Variants in TSPAN1 observed in about 807,000 individuals in gnomAD.
TSPAN1 encodes the protein tetraspanin 1, also known as tetraspanin-1.
TSPAN1 carries 23 observed loss-of-function variants against 26.9 expected under a neutral mutation model. The observed-to-expected ratio is 0.85, with a 90% CI of 0.62 to 1.21. TSPAN1 has a LOEUF of 1.21. TSPAN1 is among the 50% of genes most tolerant of loss of function. TSPAN1 has a pLI of 0.00. For synonymous variants in TSPAN1, 115 were observed against 114.8 expected, an observed-to-expected ratio of 1.00 and a Z score of -0.01; for missense variants, 283 against 298.4, an observed-to-expected ratio of 0.95 and a Z score of 0.38.
the TSPAN1 span, chr1:46,194,291 C>A: frequency 6.2e-7 from 1 of 1,614,194 alleles, no homozygotes; most frequent in Non-Finnish European, 8.5e-7. Flanking sequence ...GGGCTGAACT[C>A]GATGGGTGTG....
downstream of TSPAN1, among the ~76,000 whole-genome samples, chr1:46,187,793 C>T (rs548430392): frequency 4.6e-5 from 7 of 152,308 alleles, no homozygotes; most frequent in Admixed American, 6.5e-5. Flanking sequence ...ACACTGAAGG[C>T]GTCAGGGTGG....
chr1:46,185,376 C>A (rs1487332652), intron 8 of TSPAN1, 68 bp downstream of exon 8: 1 of 1,608,144 alleles, frequency 6.2e-7, no homozygotes, highest in African/African-American at 1.3e-5. Flanking sequence ...CCATCTGAGG[C>A]CTCTCTGGAG....
At chr1:46,192,269 T>C in the TSPAN1 span, 5 of 1,614,034 alleles carry the variant, frequency 3.1e-6, no homozygotes, top group Non-Finnish European at 4.2e-6. Context: ...TTCGAGTTGG[T>C]AGGGGACTCC....
At chr1:46,178,491 T>A (rs1657238360) in intron 1 of TSPAN1, among the ~76,000 whole-genome samples, 1 of 151,534 alleles carries the variant, frequency 6.6e-6, no homozygotes, top group South Asian at 2.1e-4. Context: ...TGTGGCACCC[T>A]TAGTACCACC....
intron 4 of TSPAN1, 38 bp from the exon 5 acceptor site, chr1:46,184,556 G>C (rs772522578): frequency 3.7e-6 from 6 of 1,610,128 alleles, no homozygotes; most frequent in Non-Finnish European, 3.4e-6. Context: ...ATGAGGGACT[G>C]TCTCTCCCTA....
At chr1:46,192,434 C>G in the TSPAN1 span, 13 of 1,614,144 alleles carry the variant, frequency 8.1e-6, no homozygotes, top group Non-Finnish European at 1.1e-5. Context: ...TGTGTTCATA[C>G]CCCTGGGGAC....
intron 1 of TSPAN1, chr1:46,176,248 A>C (rs1466681216): frequency 3.9e-5 from 60 of 1,535,614 alleles, no homozygotes; most frequent in Non-Finnish European, 2.4e-5. Flanking sequence ...GAAGATCCAC[A>C]CTATGGTGGT....
At chr1:46,194,603 C>T in the TSPAN1 span, 1 of 1,614,090 alleles carries the variant, frequency 6.2e-7, no homozygotes, top group Non-Finnish European at 8.5e-7. Flanking sequence ...TGGGTCCCCC[C>T]AGGAAGAGAG....
chr1:46,193,335 G>A, the TSPAN1 span: 1 of 1,613,682 alleles, frequency 6.2e-7, no homozygotes, highest in Non-Finnish European at 8.5e-7. Flanking sequence ...TGATGCTGAT[G>A]GGAGTATGCT....
chr1:46,178,099 G>A (rs1285751941), intron 1 of TSPAN1, among the ~76,000 whole-genome samples: 1 of 152,186 alleles, frequency 6.6e-6, no homozygotes, highest in Non-Finnish European at 1.5e-5. Context: ...GCTCACGCCT[G>A]TAATCCCAGC....
chr1:46,184,927 A>G (rs1410598093), intron 6 of TSPAN1, 33 bp from the exon 7 acceptor site: 1 of 1,614,078 alleles, frequency 6.2e-7, no homozygotes, highest in East Asian at 2.2e-5. Context: ...AGAAAGAAGC[A>G]AGGCCCCACC....
the TSPAN1 span, chr1:46,194,489 CAG>C: frequency 5.0e-6 from 8 of 1,614,022 alleles, no homozygotes; most frequent in Middle Eastern, 1.6e-4. Context: ...TAAAGCTCCA[CAG>C]AGAGATCTAA....
the TSPAN1 span, chr1:46,194,961 C>T: frequency 1.2e-6 from 2 of 1,614,050 alleles, no homozygotes; most frequent in South Asian, 2.2e-5. Context: ...GAGCCCTCAT[C>T]CTGGGGGACC....
At chr1:46,193,496 C>G in the TSPAN1 span, 1 of 1,613,168 alleles carries the variant, frequency 6.2e-7, no homozygotes, top group Non-Finnish European at 8.5e-7. Flanking sequence ...GTCTCCCTTG[C>G]CCGTCCCTGG....
At chr1:46,190,395 C>A, downstream of TSPAN1, 3 of 1,499,752 alleles carry the variant, frequency 2.0e-6, no homozygotes, top group South Asian at 3.4e-5. Context: ...TTGCACAGGA[C>A]CCTGTAAATT....
chr1:46,194,371 A>G, the TSPAN1 span: 5 of 1,614,110 alleles, frequency 3.1e-6, no homozygotes, highest in East Asian at 1.1e-4. Flanking sequence ...GCGACGGTTC[A>G]GCTCTGTGTC....
the TSPAN1 span, chr1:46,193,478 C>G: frequency 1.2e-6 from 2 of 1,610,994 alleles, no homozygotes; most frequent in African/African-American, 1.3e-5. Context: ...ACAGCCCTTG[C>G]CTGGGCGGTC....
chr1:46,184,167 C>A (rs893903657), intron 3 of TSPAN1, 24 bp from the exon 4 acceptor site: 1 of 1,613,578 alleles, frequency 6.2e-7, no homozygotes, highest in East Asian at 2.2e-5. Flanking sequence ...CTGTTTAAGG[C>A]CTGCCTGACC....
chr1:46,186,808 G>A (rs1399330339), downstream of TSPAN1, among the ~76,000 whole-genome samples: 41 of 151,668 alleles, frequency 2.7e-4, 1 homozygote, highest in Middle Eastern at 0.034. Flanking sequence ...CACTACAGGC[G>A]CCCGCCACCT....
Sources: gnomAD v4.1 joint callset for allele counts (sites outside exome capture counted in the v4.1 genomes callset) on GRCh38, gnomAD v4.1.1 for gene constraint, MANE v1.5 for transcripts, NCBI Gene and HGNC (gene_info 2026-07-23, HGNC 2026-07-21) for gene names.